ADGRL3: variants seen among roughly 807,000 people sequenced by gnomAD.
ADGRL3 encodes the protein adhesion G protein-coupled receptor L3, also known as calcium-independent alpha-latrotoxin receptor 3.
A neutral mutation model predicts 153.5 loss-of-function variants in ADGRL3; 62 were observed. The ratio of observed to expected loss-of-function variants is 0.40; its 90% CI spans 0.33 to 0.50. The LOEUF is 0.50. Ranked by LOEUF, ADGRL3 falls within the 20% of genes least tolerant of loss-of-function variation. The probability of loss-of-function intolerance (pLI) is 0.47; values close to 1 mark genes in which losing one functional copy is unlikely to be tolerated. For synonymous variants in ADGRL3, 710 were observed against 672.5 expected, an observed-to-expected ratio of 1.06 and a Z score of -0.86; for missense variants, 1,641 against 1,859.4, an observed-to-expected ratio of 0.88 and a Z score of 2.16.
intron 1 of ADGRL3, among the ~76,000 whole-genome samples, chr4:61,346,433 A>T (rs1317700637): frequency 2.0e-5 from 3 of 151,748 alleles, no homozygotes. Flanking sequence ...GATTTCAGTA[A>T]TCTTAACAAA....
chr4:61,651,295 C>G (rs958970967), intron 5 of ADGRL3, among the ~76,000 whole-genome samples: 1 of 152,094 alleles, frequency 6.6e-6, no homozygotes, highest in Non-Finnish European at 1.5e-5. Flanking sequence ...TAAAGGTACA[C>G]CATAAATATA....
intron 8 of ADGRL3, among the ~76,000 whole-genome samples, chr4:61,758,980 T>G (rs1561197831): frequency 6.6e-6 from 1 of 152,336 alleles, no homozygotes; most frequent in Non-Finnish European, 1.5e-5. Flanking sequence ...TTGAAAATTC[T>G]TTTCTTTAAG....
At position 62,007,018 on chromosome 4, in the gene ADGRL3, C is replaced by T. The variant is rs556641175; in HGVS notation, c.3395+8753C>T. ...ACAAGGACCAAAGCTCTTACATCATCCTCAGAATGCTGGCTGTTGTCATTC... is the reference window on the plus strand; with the variant it reads ...ACAAGGACCAAAGCTCTTACATCATTCTCAGAATGCTGGCTGTTGTCATTC... On this transcript the variant is annotated intron_variant, in intron 21 of 26. Coordinates refer to ENST00000683033, the MANE Select transcript of ADGRL3 (RefSeq NM_001387552.1). Among the ~76,000 whole-genome samples the T allele has an allele frequency of 5.3e-4, 81 of 152,006 alleles. 1 individual carries two copies. Among genetic ancestry groups the T allele is most frequent in the Non-Finnish European group, 8.5e-4 (58 of 68,000 alleles).
intron 1 of ADGRL3, among the ~76,000 whole-genome samples, chr4:61,344,959 T>A (rs1297082600): frequency 6.6e-6 from 1 of 151,468 alleles, no homozygotes; most frequent in Non-Finnish European, 1.5e-5. Flanking sequence ...GCTAATTTTT[T>A]TTTTTTTTTG....
chr4:61,286,926 AT>A (rs958223066), intron 1 of ADGRL3, among the ~76,000 whole-genome samples: 40 of 151,784 alleles, frequency 2.6e-4, no homozygotes, highest in African/African-American at 9.4e-4. Flanking sequence ...TTATTTTTAA[AT>A]TTTTGGTTAT....
intron 21 of ADGRL3, among the ~76,000 whole-genome samples, chr4:62,013,612 G>A (rs578097697): frequency 5.3e-4 from 81 of 151,798 alleles, no homozygotes; most frequent in Admixed American, 3.2e-3. Flanking sequence ...AAAAACGGCC[G>A]GGCATGGTGA....
At chr4:61,381,383 C>A (rs952420474) in intron 1 of ADGRL3, among the ~76,000 whole-genome samples, 1 of 150,002 alleles carries the variant, frequency 6.7e-6, no homozygotes, top group East Asian at 2.0e-4. Context: ...CATTTCATGG[C>A]GCGGTTAGGT....
In ADGRL3 at chr4:61,700,978, T is replaced by C. The variant is rs571795534; in HGVS notation, c.583+24043T>C. ...CCACTTGTAAGTAGAGACCTGAAGT[T>C]TGGATTCCTTCAGAGTCGTTACACA... On this transcript the variant is annotated intron_variant, in intron 6 of 26. Transcript: ENST00000683033. Among the ~76,000 whole-genome samples, 136 of 152,272 alleles carry C rather than the reference T, an allele frequency of 8.9e-4. 2 individuals are homozygous for C. The highest frequency in any genetic ancestry group is 3.0e-3 in the African/African-American group (125 of 41,546).
intron 5 of ADGRL3, among the ~76,000 whole-genome samples, chr4:61,655,168 A>G (rs893406691): frequency 1.6e-5 from 2 of 123,106 alleles, no homozygotes; most frequent in African/African-American, 6.1e-5. Context: ...CAGCAACCCT[A>G]TCAAGTATGG....
At chr4:62,019,406 A>T (rs192175981) in intron 21 of ADGRL3, among the ~76,000 whole-genome samples, 2 of 152,176 alleles carry the variant, frequency 1.3e-5, no homozygotes, top group Non-Finnish European at 2.9e-5. Context: ...ACTCCAATTG[A>T]TGTTAATTCT....
At chr4:61,554,735 A>C (rs1281471350) in intron 4 of ADGRL3, among the ~76,000 whole-genome samples, 1 of 152,194 alleles carries the variant, frequency 6.6e-6, no homozygotes, top group Non-Finnish European at 1.5e-5. Context: ...TAAGTGAAGA[A>C]AAACTTTTCT....
rs954464367 is a variant in ADGRL3 at position 61,817,015 on chromosome 4, A to C, written c.1480+3126A>C. 8.5e-5 allele frequency among the ~76,000 whole-genome samples: 13 copies of C among 152,260 alleles called. No homozygotes were observed. The East Asian group carries it at 2.3e-3, about 27-fold the overall frequency. Reference sequence around the variant, plus strand: ...ATTGTTGCAACCTGACTGGGTGTGCATGTGCTTGGGGTTGTGCTGACATCC... The same window carrying C: ...ATTGTTGCAACCTGACTGGGTGTGCCTGTGCTTGGGGTTGTGCTGACATCC... On this transcript the variant is annotated intron_variant, in intron 9 of 26. Transcript: ENST00000683033.
chr4:61,310,486 A>G (rs146406770), intron 1 of ADGRL3, among the ~76,000 whole-genome samples: 25 of 152,242 alleles, frequency 1.6e-4, no homozygotes, highest in African/African-American at 5.1e-4. Flanking sequence ...GGGTTATTCC[A>G]GGATGTAGTC....
intron 5 of ADGRL3, among the ~76,000 whole-genome samples, chr4:61,621,922 G>T (rs944883418): frequency 6.6e-6 from 1 of 152,110 alleles, no homozygotes; most frequent in Non-Finnish European, 1.5e-5. Context: ...AAGGGTAGAA[G>T]AAATTATTGT....
chr4:61,765,536 A>G (rs1580713070), intron 8 of ADGRL3, among the ~76,000 whole-genome samples: 1 of 152,058 alleles, frequency 6.6e-6, no homozygotes, highest in East Asian at 1.9e-4. Flanking sequence ...GTTTCACTGA[A>G]TACTAAGAGC....
At chr4:61,629,331 A>C (rs1417035384) in intron 5 of ADGRL3, among the ~76,000 whole-genome samples, 1 of 152,122 alleles carries the variant, frequency 6.6e-6, no homozygotes, top group Non-Finnish European at 1.5e-5. Flanking sequence ...ATGTATTTGC[A>C]GTTTAACAAC....
chr4:61,466,006 C>T (rs1247747086), intron 2 of ADGRL3, among the ~76,000 whole-genome samples: 1 of 151,620 alleles, frequency 6.6e-6, no homozygotes, highest in African/African-American at 2.4e-5. Context: ...CTTGTAATCC[C>T]AGCTACTCAG....
chr4:61,812,468 A>C (rs1259282377), intron 8 of ADGRL3, among the ~76,000 whole-genome samples: 4 of 152,206 alleles, frequency 2.6e-5, no homozygotes, highest in Non-Finnish European at 5.9e-5. Context: ...ATCATAATCT[A>C]TGTATCATTA....
chr4:61,524,816 A>T (rs981549962), intron 4 of ADGRL3, among the ~76,000 whole-genome samples: 27 of 152,148 alleles, frequency 1.8e-4, no homozygotes, highest in African/African-American at 6.5e-4. Flanking sequence ...GATCCATGAA[A>T]AATGTTTAAT....
Sources: gnomAD v4.1 joint callset for allele counts (sites outside exome capture counted in the v4.1 genomes callset) on GRCh38, gnomAD v4.1.1 for gene constraint, MANE v1.5 for transcripts, NCBI Gene and HGNC (gene_info 2026-07-23, HGNC 2026-07-21) for gene names.